DLG2: variants seen among roughly 807,000 people sequenced by gnomAD.
The protein encoded by DLG2 is discs large MAGUK scaffold protein 2, also known as disks large homolog 2.
DLG2 carries 45 observed loss-of-function variants against 132.5 expected under a neutral mutation model. The observed-to-expected ratio is 0.34, with a 90% CI of 0.27 to 0.44. The LOEUF (loss-of-function observed/expected upper bound fraction) is 0.44, where lower values mean the gene tolerates loss of function less well. Among genes scored for constraint, DLG2 ranks in the 20% least tolerant of loss-of-function variants. The pLI, the probability that DLG2 is intolerant of heterozygous loss-of-function variation, is 1.00. For synonymous variants in DLG2, 424 were observed against 419.6 expected, an observed-to-expected ratio of 1.01 and a Z score of -0.13; for missense variants, 1,045 against 1,196.9, an observed-to-expected ratio of 0.87 and a Z score of 1.87.
intron 6 of DLG2, among the ~76,000 whole-genome samples, chr11:84,905,902 A>G (rs1015425282): frequency 6.6e-6 from 1 of 152,210 alleles, no homozygotes; most frequent in East Asian, 1.9e-4. Context: ...ACAGTTTAAC[A>G]TGTTCCTAAA....
chr11:84,716,374 T>C lies in DLG2; in HGVS notation c.358-181643A>G, dbSNP rs182134750. Among the ~76,000 whole-genome samples the C allele has an allele frequency of 5.3e-4, 81 of 152,246 alleles. No individual in the cohort carries two copies. In the East Asian group the frequency reaches 0.014, roughly 27 times the overall value. ...ATATTAGGACAAATAACAAATATTCTTTTATGTTTGTATGTATTTTTATCT... is the reference window on the plus strand; with the variant it reads ...ATATTAGGACAAATAACAAATATTCCTTTATGTTTGTATGTATTTTTATCT... On this transcript the variant is annotated intron_variant, in intron 6 of 27. Transcript: ENST00000376104.
At chr11:85,387,786 A>G (rs957408631) in intron 3 of DLG2, among the ~76,000 whole-genome samples, 10 of 152,190 alleles carry the variant, frequency 6.6e-5, no homozygotes, top group African/African-American at 2.4e-4. Context: ...TTTATCTTTA[A>G]AAGTGGAAAA....
rs2098489604 is a variant in DLG2 at position 84,337,197 on chromosome 11, A to G, written c.520-85906T>C. The stretch of plus-strand genomic sequence containing the variant: ...GGTAGATGCAGTATCTACCCCATAG[A>G]GATGTTGTGAGGTCATACATATGAG... On this transcript the variant is annotated intron_variant, in intron 7 of 27. Coordinates refer to ENST00000376104, the MANE Select transcript of DLG2 (RefSeq NM_001142699.3). Among the ~76,000 whole-genome samples, 3 of 152,114 alleles carry G rather than the reference A, an allele frequency of 2.0e-5. No homozygotes were observed. In the South Asian group the frequency reaches 6.2e-4, roughly 32 times the overall value.
intron 3 of DLG2, among the ~76,000 whole-genome samples, chr11:85,587,912 T>C (rs1453139903): frequency 1.3e-5 from 2 of 152,172 alleles, no homozygotes; most frequent in Non-Finnish European, 2.9e-5. Context: ...TCACTCAACA[T>C]TTGTTTGTCT....
intron 3 of DLG2, among the ~76,000 whole-genome samples, chr11:85,440,026 A>C (rs944064383): frequency 6.6e-6 from 1 of 152,186 alleles, no homozygotes; most frequent in Non-Finnish European, 1.5e-5. Flanking sequence ...ATCTCTTACT[A>C]TATGGCTTAG....
intron 6 of DLG2, among the ~76,000 whole-genome samples, chr11:85,052,833 C>G (rs1243876013): frequency 6.6e-6 from 1 of 152,154 alleles, no homozygotes; most frequent in Non-Finnish European, 1.5e-5. Context: ...TGCCTGTGAA[C>G]TGGCAGGAAA....
Position 84,158,923 on chromosome 11 carries a change from C to T in DLG2, c.624+4538G>A, listed in dbSNP as rs191613649. Among the ~76,000 whole-genome samples, 56 of 152,264 alleles carry T rather than the reference C, an allele frequency of 3.7e-4. 1 individual carries two copies. In the East Asian group the frequency reaches 0.01, roughly 27 times the overall value. ...TTATATATGCTGCTCTAAACCTTTA[C>T]GTTAACTCATGTATTCATCACAACG... is the stretch of plus-strand genomic sequence containing the variant. On this transcript the variant is annotated intron_variant, in intron 9 of 27. Transcript: ENST00000376104.
intron 3 of DLG2, among the ~76,000 whole-genome samples, chr11:85,558,838 T>G (rs2077067993): frequency 6.6e-6 from 1 of 151,846 alleles, no homozygotes; most frequent in Non-Finnish European, 1.5e-5. Context: ...TACTGGGTAC[T>G]ATGCCCAGTT....
At chr11:84,128,678 T>C (rs928653809) in intron 9 of DLG2, among the ~76,000 whole-genome samples, 1 of 152,098 alleles carries the variant, frequency 6.6e-6, no homozygotes, top group African/African-American at 2.4e-5. Context: ...AGTTACATCA[T>C]GGTATAAAAA....
chr11:84,502,415 T>TA (rs2099222355), intron 7 of DLG2, among the ~76,000 whole-genome samples: 1 of 99,826 alleles, frequency 1.0e-5, no homozygotes, highest in Non-Finnish European at 1.9e-5. Flanking sequence ...TCTTTCTTTC[T>TA]ATACAGAGTC....
chr11:84,980,069 A>T (rs1048684091), intron 6 of DLG2, among the ~76,000 whole-genome samples: 2 of 152,316 alleles, frequency 1.3e-5, no homozygotes, highest in East Asian at 3.9e-4. Flanking sequence ...CAAAATGCAA[A>T]AAGATACACT....
At chr11:83,532,930 A>C in intron 20 of DLG2, 147 bp from the exon 21 acceptor site, 1 of 691,864 alleles carries the variant, frequency 1.4e-6, no homozygotes, top group Non-Finnish European at 2.3e-6. Flanking sequence ...GTTCCATATA[A>C]AAAATCTTGG....
intron 6 of DLG2, among the ~76,000 whole-genome samples, chr11:84,751,380 G>A (rs2066090172): frequency 3.3e-5 from 5 of 152,018 alleles, no homozygotes; most frequent in Admixed American, 3.3e-4. Context: ...AAGATTTCAA[G>A]CAGCAAGAAG....
In DLG2 at chr11:84,443,670, T is replaced by C. The variant is rs528124107; in HGVS notation, c.519+90900A>G. Among the ~76,000 whole-genome samples the C allele has an allele frequency of 5.3e-5, 8 of 152,334 alleles. No homozygotes were observed. In the South Asian group the frequency reaches 1.7e-3, roughly 32 times the overall value. On this transcript the variant is annotated intron_variant, in intron 7 of 27. Transcript: ENST00000376104. ...ATTACTGGTGAGACTTAAGATGTTT[T>C]CATACATTTATTGGTTATTTGAACT...
intron 19 of DLG2, among the ~76,000 whole-genome samples, chr11:83,564,101 T>TG (rs1362896976): frequency 7.3e-5 from 9 of 123,260 alleles, no homozygotes; most frequent in South Asian, 2.5e-4. Flanking sequence ...ATTTTTCATG[T>TG]GTTTTTTTTT....
At chr11:84,648,925 C>T (rs962841708) in intron 6 of DLG2, among the ~76,000 whole-genome samples, 12 of 152,070 alleles carry the variant, frequency 7.9e-5, no homozygotes, top group African/African-American at 2.7e-4. Context: ...CTCAAGTATT[C>T]CCTTATAACA....
intron 16 of DLG2, among the ~76,000 whole-genome samples, chr11:83,842,972 G>C (rs1202072636): frequency 1.3e-5 from 2 of 152,162 alleles, no homozygotes; most frequent in Non-Finnish European, 2.9e-5. Flanking sequence ...GTATTGGGTA[G>C]TGGGAATTAA....
chr11:84,864,674 C>G (rs187670058), intron 6 of DLG2, among the ~76,000 whole-genome samples: 2 of 152,110 alleles, frequency 1.3e-5, no homozygotes, highest in Admixed American at 1.3e-4. Context: ...GGGCTAGATT[C>G]TGGGATGTAA....
chr11:84,857,732 A>T (rs1199416971), intron 6 of DLG2, among the ~76,000 whole-genome samples: 1 of 152,096 alleles, frequency 6.6e-6, no homozygotes, highest in Non-Finnish European at 1.5e-5. Context: ...GATAAATTAC[A>T]GTCTAAGTTG....
Sources: gnomAD v4.1 joint callset for allele counts (sites outside exome capture counted in the v4.1 genomes callset) on GRCh38, gnomAD v4.1.1 for gene constraint, MANE v1.5 for transcripts, NCBI Gene and HGNC (gene_info 2026-07-23, HGNC 2026-07-21) for gene names.